The following HS6ST2 variants were observed in gnomAD, a reference collection of about 807,000 sequenced individuals.
The protein encoded by HS6ST2 is heparan-sulfate 6-O-sulfotransferase 2.
A neutral mutation model predicts 33.0 loss-of-function variants in HS6ST2; 17 were observed. The ratio of observed to expected loss-of-function variants is 0.52; its 90% CI spans 0.35 to 0.77. The LOEUF (loss-of-function observed/expected upper bound fraction) is 0.77. HS6ST2 is among the 30% of genes least tolerant of loss of function. The pLI, the probability that HS6ST2 is intolerant of heterozygous loss-of-function variation, is 0.01. For synonymous variants in HS6ST2, 248 were observed against 237.1 expected, an observed-to-expected ratio of 1.05 and a Z score of -0.42; for missense variants, 519 against 551.7, an observed-to-expected ratio of 0.94 and a Z score of 0.59.
intron 2 of HS6ST2, among the ~76,000 whole-genome samples, chrX:132,898,375 A>C (rs1175666322): frequency 1.4e-5 from 1 of 73,511 alleles, no homozygotes; most frequent in Non-Finnish European, 2.6e-5. Context: ...CTTTATCAAC[A>C]TAAGGTTATA....
intron 3 of HS6ST2, among the ~76,000 whole-genome samples, chrX:132,702,663 T>G (rs2064154426): frequency 8.9e-6 from 1 of 112,044 alleles, no homozygotes; most frequent in African/African-American, 3.2e-5. Context: ...ATTCACCTCC[T>G]TAGGGAGGCC....
intron 2 of HS6ST2, among the ~76,000 whole-genome samples, chrX:132,881,115 G>A (rs1472859519): frequency 1.9e-4 from 21 of 111,328 alleles, no homozygotes; most frequent in African/African-American, 5.2e-4. Context: ...ATAGCAGCAC[G>A]ATTTATAATC....
At chrX:132,907,571 G>C (rs2066486622) in intron 2 of HS6ST2, 1 of 111,990 alleles carries the variant, frequency 8.9e-6, no homozygotes, top group Non-Finnish European at 1.9e-5. Context: ...CCAGAGCATG[G>C]TCATCATGCC....
At chrX:132,758,316 G>A (rs1157646061) in intron 2 of HS6ST2, 1 of 112,069 alleles carries the variant, frequency 8.9e-6, no homozygotes, top group African/African-American at 3.2e-5. Context: ...CTCCTCGCCA[G>A]GTGATTCTGC....
At chrX:132,690,767 C>T (rs1001403413) in intron 3 of HS6ST2, among the ~76,000 whole-genome samples, 30 of 111,979 alleles carry the variant, frequency 2.7e-4, no homozygotes, top group African/African-American at 9.4e-4. Context: ...ATGTTTTTAT[C>T]TATAAATCCT....
intron 4 of HS6ST2, among the ~76,000 whole-genome samples, chrX:132,644,330 ATAAAGT>A (rs1160418735): frequency 9.0e-6 from 1 of 111,031 alleles, no homozygotes; most frequent in Non-Finnish European, 1.9e-5. Flanking sequence ...CACTGTTTTT[ATAAAGT>A]TAGTTTCTCA....
At chrX:132,845,361 C>T (rs1193781210) in intron 2 of HS6ST2, among the ~76,000 whole-genome samples, 1 of 110,688 alleles carries the variant, frequency 9.0e-6, no homozygotes, top group African/African-American at 3.3e-5. Flanking sequence ...TCTAACATCT[C>T]TATGTATGAT....
At chrX:132,758,946 C>T (rs1160653457) in intron 2 of HS6ST2, among the ~76,000 whole-genome samples, 1 of 111,605 alleles carries the variant, frequency 9.0e-6, no homozygotes, top group Non-Finnish European at 1.9e-5. Flanking sequence ...GTGGCCAGCT[C>T]CACTGTATTT....
chrX:132,789,592 G>T (rs1477705829), intron 2 of HS6ST2, among the ~76,000 whole-genome samples: 1 of 112,237 alleles, frequency 8.9e-6, no homozygotes, highest in Non-Finnish European at 1.9e-5. Context: ...AATACATTTT[G>T]TAAGGCTATA....
intron 2 of HS6ST2, among the ~76,000 whole-genome samples, chrX:132,930,675 C>T (rs773507178): frequency 9.0e-6 from 1 of 111,391 alleles, no homozygotes; most frequent in Non-Finnish European, 1.9e-5. Context: ...TACAACCCTC[C>T]CCCACCAAAA....
intron 2 of HS6ST2, among the ~76,000 whole-genome samples, chrX:132,926,494 C>T (rs754140363): frequency 1.8e-5 from 2 of 112,754 alleles, no homozygotes; most frequent in Non-Finnish European, 3.7e-5. Flanking sequence ...CCAATCCTGT[C>T]TGTTTAGGTC....
At chrX:132,732,808 T>C (rs2064473037) in intron 2 of HS6ST2, among the ~76,000 whole-genome samples, 1 of 111,813 alleles carries the variant, frequency 8.9e-6, no homozygotes, top group South Asian at 3.8e-4. Flanking sequence ...GAAAATGAGC[T>C]AATATGCTGC....
chrX:132,739,315 C>T (rs2064542381), intron 2 of HS6ST2, among the ~76,000 whole-genome samples: 1 of 111,345 alleles, frequency 9.0e-6, no homozygotes, highest in African/African-American at 3.3e-5. Flanking sequence ...ACTAGATGTA[C>T]TCCAAGGTCC....
At chrX:132,636,608 A>C (rs1034749197) in intron 4 of HS6ST2, among the ~76,000 whole-genome samples, 1 of 111,843 alleles carries the variant, frequency 8.9e-6, no homozygotes, top group Non-Finnish European at 1.9e-5. Flanking sequence ...AAAGGTGGGG[A>C]TACTGAGGCC....
chrX:132,801,314 A>T (rs2065232884), intron 2 of HS6ST2, among the ~76,000 whole-genome samples: 1 of 111,207 alleles, frequency 9.0e-6, no homozygotes, highest in Admixed American at 9.6e-5. Context: ...AAAATTCTAT[A>T]GTTATAATAT....
At chrX:132,847,860 A>T (rs1261346949) in intron 2 of HS6ST2, among the ~76,000 whole-genome samples, 7 of 112,365 alleles carry the variant, frequency 6.2e-5, no homozygotes, top group Non-Finnish European at 1.1e-4. Context: ...AGAGAAGAAC[A>T]TTAGACTTGT....
chrX:132,693,521 C>G (rs1328117511), intron 3 of HS6ST2, among the ~76,000 whole-genome samples: 2 of 111,419 alleles, frequency 1.8e-5, no homozygotes, highest in Non-Finnish European at 3.8e-5. Context: ...GCCATTCCTA[C>G]AGTGGTGTTT....
intron 2 of HS6ST2, among the ~76,000 whole-genome samples, chrX:132,748,882 G>A (rs1000597647): frequency 8.9e-6 from 1 of 111,920 alleles, no homozygotes; most frequent in Non-Finnish European, 1.9e-5. Flanking sequence ...ACACAGGCAA[G>A]CCTCCCAAAG....
intron 2 of HS6ST2, among the ~76,000 whole-genome samples, chrX:132,824,762 G>A (rs779651716): frequency 3.1e-4 from 35 of 112,337 alleles, no homozygotes; most frequent in African/African-American, 1.1e-3. Flanking sequence ...TCTTAAATGC[G>A]AGTTTAAAAG....
Sources: gnomAD v4.1 joint callset for allele counts (sites outside exome capture counted in the v4.1 genomes callset) on GRCh38, gnomAD v4.1.1 for gene constraint, MANE v1.5 for transcripts, NCBI Gene and HGNC (gene_info 2026-07-23, HGNC 2026-07-21) for gene names.